Variants in AKAP19 observed in about 807,000 individuals in gnomAD.
AKAP19 encodes A-kinase anchoring protein 19.
chr2:190,172,337 A>G, the AKAP19 span, among the ~76,000 whole-genome samples: 1 of 152,304 alleles, frequency 6.6e-6, no homozygotes, highest in African/African-American at 2.4e-5. Flanking sequence ...GTTATTTTAT[A>G]ACTATCTTAT....
At chr2:189,959,004 G>A in the AKAP19 span, among the ~76,000 whole-genome samples, 293 of 152,124 alleles carry the variant, frequency 1.9e-3, 9 homozygotes, top group East Asian at 0.033. Flanking sequence ...AGTGGTGACC[G>A]CTAAGGGACA....
chr2:189,961,866 C>G, the AKAP19 span, among the ~76,000 whole-genome samples: 3 of 151,352 alleles, frequency 2.0e-5, no homozygotes, highest in Admixed American at 2.0e-4. Flanking sequence ...GAGCCCAGAT[C>G]ACACCACTGC....
chr2:190,033,560 G>A, the AKAP19 span, among the ~76,000 whole-genome samples: 3 of 152,188 alleles, frequency 2.0e-5, no homozygotes, highest in Non-Finnish European at 4.4e-5. Context: ...CAATTTATTT[G>A]TAGAATGAAT....
the AKAP19 span, among the ~76,000 whole-genome samples, chr2:190,132,140 T>C: frequency 2.0e-5 from 3 of 152,158 alleles, no homozygotes; most frequent in Non-Finnish European, 2.9e-5. Flanking sequence ...ATAAAACATT[T>C]ATGAAATAAA....
chr2:190,182,362 CA>C, the AKAP19 span, among the ~76,000 whole-genome samples: 1 of 152,020 alleles, frequency 6.6e-6, no homozygotes, highest in East Asian at 1.9e-4. Context: ...GTCCATGACC[CA>C]AAAATAGTTA....
At chr2:189,880,308 G>C in the AKAP19 span, among the ~76,000 whole-genome samples, 8 of 151,916 alleles carry the variant, frequency 5.3e-5, no homozygotes, top group Admixed American at 5.2e-4. Flanking sequence ...CTTGGGCTTG[G>C]GTCTACACTG....
At chr2:190,176,942 GAATC>G in the AKAP19 span, among the ~76,000 whole-genome samples, 3 of 152,098 alleles carry the variant, frequency 2.0e-5, no homozygotes, top group African/African-American at 7.2e-5. The surrounding 1 kb of genome is among the most constrained non-coding windows in gnomAD (Gnocchi z 4.7). Flanking sequence ...CATAAAACCT[GAATC>G]AGTGAGAAAT....
the AKAP19 span, among the ~76,000 whole-genome samples, chr2:190,024,253 T>C: frequency 6.6e-6 from 1 of 151,674 alleles, no homozygotes; most frequent in Non-Finnish European, 1.5e-5. Context: ...CTTGGAATCT[T>C]AAAAGCTCTT....
At chr2:189,984,803 C>G in the AKAP19 span, among the ~76,000 whole-genome samples, 1 of 152,052 alleles carries the variant, frequency 6.6e-6, no homozygotes, top group Non-Finnish European at 1.5e-5. Context: ...TGGCTTCAGC[C>G]GGTCCCTCTG....
At chr2:190,071,944 G>C in the AKAP19 span, among the ~76,000 whole-genome samples, 4 of 152,100 alleles carry the variant, frequency 2.6e-5, no homozygotes, top group South Asian at 6.2e-4. Flanking sequence ...TGATGGTAGA[G>C]GAAACACTCC....
chr2:190,196,764 T>C, the AKAP19 span, among the ~76,000 whole-genome samples: 1 of 152,216 alleles, frequency 6.6e-6, no homozygotes, highest in African/African-American at 2.4e-5. Flanking sequence ...GATATAGCCA[T>C]GCCCATTTGT....
At chr2:189,957,766 A>G in the AKAP19 span, among the ~76,000 whole-genome samples, 5,217 of 152,292 alleles carry the variant, frequency 0.034, 285 homozygotes, top group African/African-American at 0.11. Flanking sequence ...AAGAACTCTC[A>G]TTCATCAAAA....
At chr2:190,144,323 G>A in the AKAP19 span, among the ~76,000 whole-genome samples, 1 of 151,244 alleles carries the variant, frequency 6.6e-6, no homozygotes, top group Non-Finnish European at 1.5e-5. Flanking sequence ...TGGCAAATTG[G>A]CTGTAAACAA....
the AKAP19 span, among the ~76,000 whole-genome samples, chr2:190,003,455 A>T: frequency 6.6e-6 from 1 of 152,214 alleles, no homozygotes; most frequent in African/African-American, 2.4e-5. Flanking sequence ...GAATTCATAA[A>T]ATAGAATTAC....
chr2:189,901,463 G>A, the AKAP19 span, among the ~76,000 whole-genome samples: 29 of 151,816 alleles, frequency 1.9e-4, no homozygotes, highest in Non-Finnish European at 3.7e-4. Context: ...TCAGCCTCCC[G>A]AGTAGCTGGG....
chr2:189,891,517 C>A, the AKAP19 span, among the ~76,000 whole-genome samples: 1 of 151,976 alleles, frequency 6.6e-6, no homozygotes, highest in African/African-American at 2.4e-5. Flanking sequence ...GCCACCAAAC[C>A]CGGCCGAAAA....
At chr2:190,135,534 A>C in the AKAP19 span, among the ~76,000 whole-genome samples, 1 of 152,158 alleles carries the variant, frequency 6.6e-6, no homozygotes, top group African/African-American at 2.4e-5. Flanking sequence ...AATGTGTAGA[A>C]ATTTTAAAAC....
the AKAP19 span, chr2:189,930,259 C>T: frequency 2.9e-6 from 1 of 342,538 alleles, no homozygotes; most frequent in South Asian, 6.5e-5. Flanking sequence ...AGATGAGACA[C>T]CCTGGCTCAA....
At chr2:190,177,015 AC>A in the AKAP19 span, among the ~76,000 whole-genome samples, 1 of 152,178 alleles carries the variant, frequency 6.6e-6, no homozygotes, top group Non-Finnish European at 1.5e-5. The surrounding 1 kb of genome is among the most constrained non-coding windows in gnomAD (Gnocchi z 4.6). Context: ...TTTTCCCTAG[AC>A]CAGTGGACTG....
Sources: gnomAD v4.1 joint callset for allele counts (sites outside exome capture counted in the v4.1 genomes callset) on GRCh38, gnomAD v4.1.1 for gene constraint, Gnocchi (gnomAD v3.1) non-coding constraint, MANE v1.5 for transcripts, NCBI Gene and HGNC (gene_info 2026-07-23, HGNC 2026-07-21) for gene names.